Variants in COA6 observed in about 807,000 individuals in gnomAD.
COA6 encodes cytochrome c oxidase assembly factor 6 homolog.
A neutral mutation model predicts 17.1 loss-of-function variants in COA6; 12 were observed. The observed-to-expected ratio is 0.70, with a 90% CI of 0.45 to 1.14. COA6 has a LOEUF of 1.14. Among genes scored for constraint, COA6 ranks in the 50% most tolerant of loss-of-function variants. The pLI, the probability that COA6 is intolerant of heterozygous loss-of-function variation, is 0.00. For missense variants in COA6, 246 were observed against 196.5 expected, an observed-to-expected ratio of 1.25 and a Z score of -1.51; for synonymous variants, 90 against 73.4, an observed-to-expected ratio of 1.23 and a Z score of -1.16.
At position 234,384,471 on chromosome 1, in the gene COA6, T is replaced by C. The variant is rs1659072973; in HGVS notation, c.*653T>C. Among the ~76,000 whole-genome samples the C allele has an allele frequency of 6.6e-6, 1 of 152,090 alleles. No individual in the cohort carries two copies. Reference sequence around the variant, plus strand: ...AGCTCCTAGAACTATAAGTCAATCATAGAAAGGTTGCAGGAAACAAGGTCA... The same window carrying C: ...AGCTCCTAGAACTATAAGTCAATCACAGAAAGGTTGCAGGAAACAAGGTCA... On this transcript the variant is annotated 3_prime_UTR_variant, in exon 3 of 3. Transcript: ENST00000366615.
intron 2 of COA6, among the ~76,000 whole-genome samples, chr1:234,381,863 A>G (rs1366216124): frequency 1.3e-5 from 2 of 152,262 alleles, no homozygotes; most frequent in Admixed American, 6.5e-5. Context: ...TAGGACCTCT[A>G]AATGGAGTTG....
rs1316610073 is a variant in COA6 at position 234,384,690 on chromosome 1, A to G, written c.*872A>G. On this transcript the variant is annotated 3_prime_UTR_variant, in exon 3 of 3. Coordinates refer to ENST00000366615, the MANE Select transcript of COA6 (RefSeq NM_001206641.3). ...ACTACATCAGATTAAATGGAGAGGT[A>G]TACAGTTGGCCCTCTGTGGGTTCTG... 6.6e-6 allele frequency among the ~76,000 whole-genome samples: 1 copy of G among 152,372 alleles called. No individual in the cohort carries two copies. The highest frequency in any genetic ancestry group is 1.9e-4 in the East Asian group (1 of 5,194).
In COA6 at chr1:234,384,111, T is replaced by G. The variant is rs560518981; in HGVS notation, c.*293T>G. 9.6e-5 allele frequency: 21 copies of G among 219,550 alleles called. No homozygotes were observed. The East Asian group carries it at 1.8e-3, about 18-fold the overall frequency. The allele number at this position is 219,550 out of a possible 1,614,324, so 13.6% of individuals were successfully genotyped here. ...ATGGGTAGTAGGCAGATGATAAAAT[T>G]TATAATATACATAGAAGTGAAATAA... On this transcript the variant is annotated 3_prime_UTR_variant, in exon 3 of 3. Transcript: ENST00000366615.
Position 234,383,916 on chromosome 1 carries a change from T to C in COA6, c.*98T>C. On this transcript the variant is annotated 3_prime_UTR_variant, in exon 3 of 3. Coordinates refer to ENST00000366615, the MANE Select transcript of COA6 (RefSeq NM_001206641.3). ...TTGAATCATAGTGAACATCAATACTTGTTCCCTATATACGACACTTGATAA... is the reference window on the plus strand; with the variant it reads ...TTGAATCATAGTGAACATCAATACTCGTTCCCTATATACGACACTTGATAA... 1 of 623,170 alleles carries C rather than the reference T, an allele frequency of 1.6e-6. No homozygotes were observed. The highest frequency in any genetic ancestry group is 2.6e-5 in the East Asian group (1 of 37,830). The allele number at this position is 623,170 out of a possible 1,614,324, so 38.6% of individuals were successfully genotyped here. A position where few individuals can be genotyped will look rare whatever the true frequency, so the allele number is the denominator to read the frequency against.
intron 1 of COA6, 69 bp from the exon 2 acceptor site, chr1:234,374,161 C>G (rs1658711498): frequency 7.9e-7 from 1 of 1,261,450 alleles, no homozygotes; most frequent in Non-Finnish European, 1.1e-6. Flanking sequence ...TGACGGTTTT[C>G]CTCTTTCCTT....
At chr1:234,373,748 G>C in intron 1 of COA6, 70 bp downstream of exon 1, 1 of 1,613,820 alleles carries the variant, frequency 6.2e-7, no homozygotes, top group Non-Finnish European at 8.5e-7. Flanking sequence ...TACTGTCCCC[G>C]AGCCGCGGGT....
At chr1:234,375,862 C>T (rs1658775239) in intron 2 of COA6, among the ~76,000 whole-genome samples, 1 of 152,216 alleles carries the variant, frequency 6.6e-6, no homozygotes, top group South Asian at 2.1e-4. Context: ...CACTATGTTG[C>T]CCAGGCTGGG....
At chr1:234,374,022 T>A in intron 1 of COA6, 1 of 946,226 alleles carries the variant, frequency 1.1e-6, no homozygotes, top group Non-Finnish European at 1.5e-6. Flanking sequence ...GAGATAAGCC[T>A]CAAGAGCGGG....
At chr1:234,382,664 A>C (rs1349063980) in intron 2 of COA6, among the ~76,000 whole-genome samples, 2 of 152,184 alleles carry the variant, frequency 1.3e-5, no homozygotes, top group Admixed American at 6.5e-5. Context: ...CTTTTAACAA[A>C]AGAACTAGTG....
chr1:234,379,986 CTG>C (rs1658922569), intron 2 of COA6, among the ~76,000 whole-genome samples: 1 of 152,194 alleles, frequency 6.6e-6, no homozygotes, highest in Non-Finnish European at 1.5e-5. Flanking sequence ...TTGTAGATGA[CTG>C]TAACAAAGAA....
At position 234,373,503 on chromosome 1, in the gene COA6, C is replaced by T. The variant is rs776481481; in HGVS notation, c.37C>T (p.Arg13Cys). ...ARKGQKSPRFRRVSCFLRLGR... is the reference protein window; with the variant it reads ...ARKGQKSPRFCRVSCFLRLGR... ...GAAGGGTCAAAAGAGTCCGCGGTTT[C>T]GCCGCGTGAGTTGCTTTTTGCGGCT... Residue 13 changes from arginine to cysteine, a missense_variant, in exon 1 of 3, where the codon CGC becomes TGC. Physicochemically the swap from Arg to Cys is radical, Grantham distance 180. Coordinates refer to ENST00000366615, the MANE Select transcript of COA6 (RefSeq NM_001206641.3). The T allele has an allele frequency of 1.9e-5, 30 of 1,599,828 alleles. No homozygotes were observed. Among genetic ancestry groups the T allele is most frequent in the African/African-American group, 6.7e-5 (5 of 74,568 alleles).
intron 2 of COA6, among the ~76,000 whole-genome samples, chr1:234,382,989 A>G (rs1365521471): frequency 7.4e-6 from 1 of 135,772 alleles, no homozygotes; most frequent in Non-Finnish European, 1.6e-5. Flanking sequence ...CCTGGGTGAC[A>G]GAGCGAGACT....
chr1:234,377,062 G>A (rs767080340), intron 2 of COA6, among the ~76,000 whole-genome samples: 5,826 of 32,152 alleles, frequency 0.18, 1,173 homozygotes, highest in East Asian at 0.47. Flanking sequence ...GTGTTGCCGA[G>A]AGAGAGAGAG....
At position 234,373,653 on chromosome 1, in the gene COA6, G is replaced by A. The variant is rs1558123337; in HGVS notation, c.187G>A (p.Glu63Lys). The A allele has an allele frequency of 1.9e-6, 3 of 1,613,148 alleles. No individual in the cohort carries two copies. The highest frequency in any genetic ancestry group is 2.2e-5 in the East Asian group (1 of 44,878). ...AGTTTCCTCCCGTCGACATCGAAAG[G>A]AAGCCGGACGTGGGCGGGCAGAGAG... ...VTVSSRRHRK[E>K]AGRGRAESFI... is the part of the protein sequence containing the mutation. The change falls in exon 1 of 3, where the codon GAA (glutamate) becomes AAA (lysine). Residue 63 changes from glutamate to lysine, a missense_variant. By Grantham distance (56) the Glu-to-Lys change is moderately conservative. Coordinates refer to ENST00000366615, the MANE Select transcript of COA6 (RefSeq NM_001206641.3).
chr1:234,377,607 TAGGTAAGTTAGG>T (rs1248211469), intron 2 of COA6, among the ~76,000 whole-genome samples: 3 of 152,162 alleles, frequency 2.0e-5, no homozygotes, highest in Non-Finnish European at 4.4e-5. Context: ...GGAGGGAGAC[TAGGTAAGTTAGG>T]GCTGTGAGCT....
chr1:234,377,848 T>C (rs1658853263), intron 2 of COA6, among the ~76,000 whole-genome samples: 1 of 152,186 alleles, frequency 6.6e-6, no homozygotes, highest in South Asian at 2.1e-4. Context: ...TAGTGGCCAT[T>C]ACCTCACCTG....
chr1:234,378,514 T>C (rs765726656), intron 2 of COA6, among the ~76,000 whole-genome samples: 11 of 152,168 alleles, frequency 7.2e-5, no homozygotes, highest in Non-Finnish European at 1.3e-4. Flanking sequence ...TGAAAAAAGT[T>C]AGGGAACAGA....
intron 2 of COA6, among the ~76,000 whole-genome samples, chr1:234,380,523 G>A (rs1004988637): frequency 1.1e-4 from 17 of 152,140 alleles, no homozygotes; most frequent in African/African-American, 3.4e-4. Context: ...TGACAGCCAC[G>A]AAATAAAGAT....
chr1:234,375,375 G>A (rs1328958011), intron 2 of COA6, among the ~76,000 whole-genome samples: 1 of 152,224 alleles, frequency 6.6e-6, no homozygotes, highest in Non-Finnish European at 1.5e-5. Flanking sequence ...TACTCAGCAA[G>A]TGGCAAAACT....
Sources: allele counts gnomAD v4.1 joint callset (sites outside exome capture counted in the v4.1 genomes callset), GRCh38; gene constraint gnomAD v4.1.1; transcripts MANE v1.5; gene names NCBI Gene and HGNC (gene_info 2026-07-23, HGNC 2026-07-21).